The following PEX12 variants were observed in gnomAD, a reference collection of about 807,000 sequenced individuals.
PEX12 encodes the protein peroxisome assembly protein 12.
In PEX12, 31 loss-of-function variants were observed where a neutral mutation model predicts 32.5. The observed-to-expected ratio is 0.95, with a 90% CI of 0.72 to 1.29. The LOEUF is 1.29. Among genes scored for constraint, PEX12 ranks in the 50% most tolerant of loss-of-function variants. The pLI, the probability that PEX12 is intolerant of heterozygous loss-of-function variation, is 0.00. For synonymous variants in PEX12, 148 were observed against 157.2 expected, an observed-to-expected ratio of 0.94 and a Z score of 0.44; for missense variants, 359 against 419.0, an observed-to-expected ratio of 0.86 and a Z score of 1.25.
rs2072781122 is a variant in PEX12 at position 35,575,817 on chromosome 17, G to C, written c.1045C>G (p.Gln349Glu). Residue 349 changes from glutamine to glutamate, a missense_variant, in exon 3 of 3, where the codon CAA becomes GAA. Coordinates refer to ENST00000225873, the MANE Select transcript of PEX12 (RefSeq NM_000286.3). ...GGGGAGTAGAGTTTAATCAGATGTT[G>C]TACTTCTGTTGGATAACCTGTGATG... ...CPITGYPTEV[Q>E]HLIKLYSPEN 2 of 1,613,994 alleles carry C rather than the reference G, an allele frequency of 1.2e-6. No individual in the cohort carries two copies. Among genetic ancestry groups the C allele is most frequent in the Admixed American group, 3.3e-5 (2 of 59,998 alleles).
intron 2 of PEX12, 43 bp downstream of exon 2, chr17:35,576,995 G>C (rs771883448): frequency 6.3e-7 from 1 of 1,585,378 alleles, no homozygotes; most frequent in Admixed American, 1.7e-5. Context: ...TACGATTTTC[G>C]AATTTACTAA....
chr17:35,577,247 T>C lies in PEX12; in HGVS notation c.471A>G (p.Arg157=). The C allele has an allele frequency of 6.2e-7, 1 of 1,614,160 alleles. No homozygotes were observed. Among genetic ancestry groups the C allele is most frequent in the Non-Finnish European group, 8.5e-7 (1 of 1,180,022 alleles). The change falls in exon 2 of 3, where the codon AGA becomes AGG. Residue 157 remains arginine, a synonymous_variant. Transcript: ENST00000225873. ...CAAATGGGTAGGCTGCCAGGAAAGC[T>C]CTGTAAAATCGTTTCCAGCGGGAAG... ...PPSSRWKRFY[R]AFLAAYPFVN... is the part of the protein sequence containing the mutation.
rs1212817886 is a variant in PEX12, at chr17:35,577,178, T to C, written c.540A>G (p.Arg180=). ...GATGCTGAGCTTTTCCTAGGATGTATCGAAGTTGTTGTACAAGAAACCATC... is the reference window on the plus strand; with the variant it reads ...GATGCTGAGCTTTTCCTAGGATGTACCGAAGTTGTTGTACAAGAAACCATC... ...WEGWFLVQQL[R]YILGKAQHHS... is the part of the protein sequence containing the mutation. The change falls in exon 2 of 3, where the codon CGA becomes CGG. Residue 180 remains arginine, a synonymous_variant. Transcript: ENST00000225873. 6.2e-7 allele frequency: 1 copy of C among 1,614,126 alleles called. No individual in the cohort carries two copies. The highest frequency in any genetic ancestry group is 8.5e-7 in the Non-Finnish European group (1 of 1,180,030).
chr17:35,576,959 G>A (rs1400016861), intron 2 of PEX12, 79 bp downstream of exon 2: 1 of 1,218,286 alleles, frequency 8.2e-7, no homozygotes, highest in South Asian at 1.2e-5. Context: ...AAAGTTAACA[G>A]GGAGGTGAAT....
Position 35,576,090 on chromosome 17 carries a change from A to G in PEX12, c.772T>C (p.Leu258=), listed in dbSNP as rs781455518. The G allele has an allele frequency of 2.5e-6, 4 of 1,614,210 alleles. No individual in the cohort carries two copies. Among genetic ancestry groups the G allele is most frequent in the South Asian group, 1.1e-5 (1 of 91,084 alleles). Residue 258 remains leucine, a synonymous_variant, in exon 3 of 3, where the codon TTG becomes CTG. Transcript: ENST00000225873. ...GAGTACCACCAGTCAAGGAACTGCA[A>G]GAAGAATACACCCACAGAAAGGCCA... ...STGLSVGVFF[L]QFLDWWYSSE...
rs1288323994 is a variant in PEX12, at chr17:35,575,839, G to C, written c.1023C>G (p.Ile341Met). 6.2e-7 allele frequency: 1 copy of C among 1,614,186 alleles called. No homozygotes were observed. The highest frequency in any genetic ancestry group is 1.1e-5 in the South Asian group (1 of 91,084). ...HYVRSHQACP[I>M]TGYPTEVQHL... ...GTTGTACTTCTGTTGGATAACCTGT[G>C]ATGGGACAAGCTTGGTGACTCCTCA... is the stretch of plus-strand genomic sequence containing the variant. Residue 341 changes from isoleucine (I) to methionine (M), a missense_variant, in exon 3 of 3, where the codon ATC (isoleucine) becomes ATG (methionine). Transcript: ENST00000225873.
chr17:35,575,987 G>C lies in PEX12; in HGVS notation c.875C>G (p.Ser292Cys). 7 of 1,614,172 alleles carry C rather than the reference G, an allele frequency of 4.3e-6. No individual in the cohort carries two copies. The highest frequency in any genetic ancestry group is 5.9e-6 in the Non-Finnish European group (7 of 1,180,008). The change falls in exon 3 of 3, where the codon TCT becomes TGT. Residue 292 changes from serine (S) to cysteine (C), a missense_variant. Physicochemically the swap from Ser to Cys is moderately radical, Grantham distance 112. Coordinates refer to ENST00000225873, the MANE Select transcript of PEX12 (RefSeq NM_000286.3). ...CATTTTGGGTAAGAGGGGAGAATCA[G>C]AGTTATAGTCTAGGTGTACAGGTGG... ...PPPPVHLDYN[S>C]DSPLLPKMKT...
Position 35,577,402 on chromosome 17 carries a change from C to T in PEX12, c.316G>A (p.Ala106Thr), listed in dbSNP as rs2072792276. The change falls in exon 2 of 3, where the codon GCT becomes ACT. Residue 106 changes from alanine (A) to threonine (T), a missense_variant. Physicochemically the swap from Ala to Thr is moderately conservative, Grantham distance 58. Coordinates refer to ENST00000225873, the MANE Select transcript of PEX12 (RefSeq NM_000286.3). ...CAAAGCTGCTGCTTTGGGAGACCAG[C>T]ACTAGCCAATCTCTGAGACTTGTGA... Reference protein sequence around the residue: ...DTHKSQRLASAGLPKQQLWKS... With the variant: ...DTHKSQRLASTGLPKQQLWKS... 3 of 1,614,042 alleles carry T rather than the reference C, an allele frequency of 1.9e-6. No homozygotes were observed. Among genetic ancestry groups the T allele is most frequent in the East Asian group, 2.2e-5 (1 of 44,896 alleles).
In PEX12 at chr17:35,575,713, C is replaced by T. The variant is rs1241902124; in HGVS notation, c.*69G>A. On this transcript the variant is annotated 3_prime_UTR_variant, in exon 3 of 3. Coordinates refer to ENST00000225873, the MANE Select transcript of PEX12 (RefSeq NM_000286.3). ...AGGCTGAGAAGTGTCAACTCAATAC[C>T]ATGCTGAAACCAGCTCTGTGACATT... The T allele has an allele frequency of 3.5e-5, 51 of 1,448,334 alleles. No individual in the cohort carries two copies. The South Asian group carries it at 5.5e-4, about 16-fold the overall frequency. The allele number at this position is 1,448,334 out of a possible 1,614,324, so 89.7% of individuals were successfully genotyped here. A position where few individuals can be genotyped will look rare whatever the true frequency, so the allele number is the denominator to read the frequency against.
At chr17:35,576,698 A>G (rs2072787324) in intron 2 of PEX12, among the ~76,000 whole-genome samples, 3 of 152,282 alleles carry the variant, frequency 2.0e-5, no homozygotes, top group South Asian at 2.1e-4. Context: ...GCCACCTTCT[A>G]TGTACCTACG....
chr17:35,575,531 C>T lies in PEX12; in HGVS notation c.*251G>A. ...TTATTCTGTTTAATCTCTACACTGGCCCTCATATCCCCTGCCAGTCCTGAT... is the reference window on the plus strand; with the variant it reads ...TTATTCTGTTTAATCTCTACACTGGTCCTCATATCCCCTGCCAGTCCTGAT... On this transcript the variant is annotated 3_prime_UTR_variant, in exon 3 of 3. Coordinates refer to ENST00000225873, the MANE Select transcript of PEX12 (RefSeq NM_000286.3). 3.9e-6 allele frequency: 2 copies of T among 518,562 alleles called. No individual in the cohort carries two copies. The highest frequency in any genetic ancestry group is 2.1e-5 in the South Asian group (1 of 48,684). The allele number at this position is 518,562 out of a possible 1,614,324, so 32.1% of individuals were successfully genotyped here.
intron 1 of PEX12, 23 bp downstream of exon 1, chr17:35,577,873 C>CT: frequency 6.2e-7 from 1 of 1,613,980 alleles, no homozygotes; most frequent in Non-Finnish European, 8.5e-7. Flanking sequence ...TCCCTAAAAC[C>CT]TTTCCAAGAA....
chr17:35,577,746 C>A, intron 1 of PEX12, 150 bp downstream of exon 1: 2 of 1,294,806 alleles, frequency 1.5e-6, no homozygotes, highest in Non-Finnish European at 2.2e-6. Flanking sequence ...GGTCTCTACA[C>A]ATAACAGAGA....
In PEX12 at chr17:35,578,457, A is replaced by C; in HGVS notation, c.-436T>G. 2 of 284,640 alleles carry C rather than the reference A, an allele frequency of 7.0e-6. No homozygotes were observed. Among genetic ancestry groups the C allele is most frequent in the Non-Finnish European group, 1.4e-5 (2 of 143,252 alleles). 17.6% of individuals were successfully genotyped at this position (284,640 alleles called of 1,614,324 possible). A position where few individuals can be genotyped will look rare whatever the true frequency, so the allele number is the denominator to read the frequency against. On this transcript the variant is annotated 5_prime_UTR_variant, in exon 1 of 3. Transcript: ENST00000225873. Reference sequence around the variant, plus strand: ...CTGTGAGCCCGGGACACAAGGGCTGACTCCAGCTGTTGGCTTTGAGTATCC... The same window carrying C: ...CTGTGAGCCCGGGACACAAGGGCTGCCTCCAGCTGTTGGCTTTGAGTATCC...
chr17:35,576,937 A>C (rs2072788777), intron 2 of PEX12, 101 bp downstream of exon 2: 2 of 1,007,132 alleles, frequency 2.0e-6, no homozygotes, highest in South Asian at 2.6e-5. Context: ...CTATGACTCT[A>C]TGAAATGCCA....
chr17:35,576,267 C>G (rs932673242), intron 2 of PEX12, 86 bp from the exon 3 acceptor site: 11 of 1,282,164 alleles, frequency 8.6e-6, no homozygotes, highest in Non-Finnish European at 1.1e-5. Flanking sequence ...GCAATTCTTA[C>G]ATTTTTCATC....
In PEX12 at chr17:35,575,585, G is replaced by T; in HGVS notation, c.*197C>A. The T allele has an allele frequency of 3.2e-6, 2 of 622,660 alleles. No individual in the cohort carries two copies. Among genetic ancestry groups the T allele is most frequent in the Non-Finnish European group, 5.8e-6 (2 of 346,294 alleles). The allele number at this position is 622,660 out of a possible 1,614,324, so 38.6% of individuals were successfully genotyped here. A position where few individuals can be genotyped will look rare whatever the true frequency, so the allele number is the denominator to read the frequency against. ...TCTACTTTAAGCAGCTTGGTCAACT[G>T]TAAGTAGGGTTCTAGAGAGCAGGCT... On this transcript the variant is annotated 3_prime_UTR_variant, in exon 3 of 3. Coordinates refer to ENST00000225873, the MANE Select transcript of PEX12 (RefSeq NM_000286.3).
Position 35,575,873 on chromosome 17 carries a change from AAC to A in PEX12, c.987_988del (p.Phe330SerfsTer23), listed in dbSNP as rs764657253. The A allele has an allele frequency of 1.5e-5, 25 of 1,614,086 alleles. No individual in the cohort carries two copies. The highest frequency in any genetic ancestry group is 9.3e-5 in the African/African-American group (7 of 74,926). On this transcript the variant is annotated frameshift_variant, in exon 3 of 3. Coordinates refer to ENST00000225873, the MANE Select transcript of PEX12 (RefSeq NM_000286.3). LOFTEE classifies it high-confidence loss of function. ...AGCTTGGTGACTCCTCACATAATGA[AAC>A]ACACAGCGGTAACAAAACACATAGC... is the stretch of plus-strand genomic sequence containing the variant.
chr17:35,577,655 T>C, intron 1 of PEX12, 64 bp from the exon 2 acceptor site: 3 of 1,472,300 alleles, frequency 2.0e-6, no homozygotes, highest in Non-Finnish European at 2.8e-6. Context: ...CCTATTTACA[T>C]TCCCCCTTTT....
Sources: gnomAD v4.1 joint callset for allele counts (sites outside exome capture counted in the v4.1 genomes callset) on GRCh38, gnomAD v4.1.1 for gene constraint, MANE v1.5 for transcripts, NCBI Gene and HGNC (gene_info 2026-07-23, HGNC 2026-07-21) for gene names.